Variants in EPB41 observed in about 807,000 individuals in gnomAD.
EPB41 encodes the protein protein 4.1.
Under a neutral mutation model 108.0 loss-of-function variants are expected in EPB41, and 65 were observed. The ratio of observed to expected loss-of-function variants is 0.60; its 90% CI spans 0.49 to 0.74. The LOEUF (loss-of-function observed/expected upper bound fraction) is 0.74. Ranked by LOEUF, EPB41 falls within the 30% of genes least tolerant of loss-of-function variation. The pLI is 0.00. For missense variants in EPB41, 875 were observed against 1,037.0 expected (o/e 0.84, Z 2.15); for synonymous variants, 336 against 358.9 (o/e 0.94, Z 0.72).
chr1:28,996,587 A>T (rs1249528762), intron 3 of EPB41, among the ~76,000 whole-genome samples: 1 of 152,186 alleles, frequency 6.6e-6, no homozygotes, highest in Non-Finnish European at 1.5e-5. Context: ...AAAAATGAAG[A>T]ATGTGATGTG....
rs539718247 is a variant in EPB41 at position 29,042,488 on chromosome 1, G to GT, written c.1636+3070dup. On this transcript the variant is annotated intron_variant, in intron 11 of 20. Transcript: ENST00000343067. ...TGTTTTTTTTGTTTTGTTTTGTTTT[G>GT]TTTTTTTTGAGACAGAGCCTCACTC... 3.1e-3 allele frequency among the ~76,000 whole-genome samples: 475 copies of GT among 150,932 alleles called. 3 individuals are homozygous for GT. The South Asian group carries it at 0.033, about 10-fold the overall frequency.
chr1:29,066,249 T>C (rs10915224), intron 16 of EPB41, among the ~76,000 whole-genome samples: 32,835 of 151,700 alleles, frequency 0.22, 4,025 homozygotes, highest in Non-Finnish European at 0.29. Flanking sequence ...TGAAACCCCA[T>C]CTCTACTAAA....
rs1195857611 is a variant in EPB41, at chr1:28,897,633, GGGAGA to G, written c.-8+10428_-8+10432del. On this transcript the variant is annotated intron_variant, in intron 1 of 16. Transcript: ENST00000347529. The stretch of plus-strand genomic sequence containing the variant: ...GGGAGGGGAGAGGAGGGGAGAGGAG[GGGAGA>G]GGAGGGGAGAGGAGGGGAGGGGACA... Among the ~76,000 whole-genome samples, 25 of 116,804 alleles carry G rather than the reference GGGAGA, an allele frequency of 2.1e-4. 1 individual carries two copies. The highest frequency in any genetic ancestry group is 7.7e-4 in the African/African-American group (23 of 29,756). The allele number at this position is 116,804 out of a possible 152,430, so 76.6% of individuals were successfully genotyped here.
Position 28,954,027 on chromosome 1 carries a change from T to G in EPB41, c.-7-33404T>G, listed in dbSNP as rs146993476. 2.7e-3 allele frequency among the ~76,000 whole-genome samples: 407 copies of G among 152,336 alleles called. 3 individuals are homozygous for G. Among genetic ancestry groups the G allele is most frequent in the African/African-American group, 9.4e-3 (392 of 41,578 alleles). On this transcript the variant is annotated intron_variant, in intron 1 of 20. Coordinates refer to ENST00000343067, the MANE Select transcript of EPB41 (RefSeq NM_001376013.1). ...TGCATTAGAATTACCTTTGGAGCTT[T>G]AAAAAACTCTTGAAGATGCCAGTCA...
intron 1 of EPB41, among the ~76,000 whole-genome samples, chr1:28,983,014 C>T (rs1405568154): frequency 6.6e-6 from 1 of 151,976 alleles, no homozygotes; most frequent in East Asian, 1.9e-4. Context: ...AGGACTATAT[C>T]TTTCAGGATT....
intron 17 of EPB41, 127 bp downstream of exon 17, chr1:29,098,062 G>C: frequency 7.3e-7 from 1 of 1,363,168 alleles, no homozygotes; most frequent in Non-Finnish European, 1.0e-6. Flanking sequence ...TTTTAGAAGA[G>C]ATTACTGGTC....
intron 7 of EPB41, among the ~76,000 whole-genome samples, chr1:29,021,386 G>A (rs1451858597): frequency 6.6e-6 from 1 of 152,128 alleles, no homozygotes; most frequent in Non-Finnish European, 1.5e-5. Flanking sequence ...AAGAAAGCCA[G>A]CTTACCTTAG....
chr1:29,066,648 A>G (rs12072831), intron 16 of EPB41, among the ~76,000 whole-genome samples: 120,659 of 151,998 alleles, frequency 0.79, 48,603 homozygotes, highest in Non-Finnish European at 0.87. Flanking sequence ...AAAAAGTAAA[A>G]TGATGTCTTA....
intron 7 of EPB41, among the ~76,000 whole-genome samples, chr1:29,027,486 C>A (rs1237538592): frequency 6.6e-6 from 1 of 151,884 alleles, no homozygotes; most frequent in Non-Finnish European, 1.5e-5. Flanking sequence ...CATGTGCCAC[C>A]ACGCCCGGCT....
chr1:28,917,268 ATGTG>A (rs1284406404), intron 1 of EPB41, among the ~76,000 whole-genome samples: 1 of 147,208 alleles, frequency 6.8e-6, no homozygotes, highest in Non-Finnish European at 1.5e-5. Context: ...GTGTGTGTGT[ATGTG>A]TGTGTGTGTA....
rs545738524 is a variant in EPB41, at chr1:29,026,188, G to A, written c.1125-4212G>A. 1.2e-4 allele frequency among the ~76,000 whole-genome samples: 18 copies of A among 152,276 alleles called. No individual in the cohort carries two copies. In the South Asian group the frequency reaches 3.5e-3, roughly 30 times the overall value. On this transcript the variant is annotated intron_variant, in intron 7 of 20. Transcript: ENST00000343067. ...CAGTAGGGGTTTGTGGCTGCAATGA[G>A]AGATTATATGATTATACAGAGGGAT... is the stretch of plus-strand genomic sequence containing the variant.
chr1:29,057,373 CAAAAAAAAA>C (rs72047998), intron 12 of EPB41, among the ~76,000 whole-genome samples: 3 of 65,294 alleles, frequency 4.6e-5, no homozygotes, highest in African/African-American at 5.3e-5. Flanking sequence ...GACTCTGTCT[CAAAAAAAAA>C]AAAAAAAAAA....
chr1:28,898,038 G>C (rs1255081964), intron 1 of EPB41, among the ~76,000 whole-genome samples: 7 of 152,120 alleles, frequency 4.6e-5, no homozygotes, highest in Admixed American at 4.6e-4. Context: ...CAACTTTCTA[G>C]GTACAGGGAA....
rs780163558 is a variant in EPB41, at chr1:29,015,697, C to A, written c.835C>A (p.Pro279Thr). ...KEIKKQVRGV[P>T]WNFTFNVKFY... The stretch of plus-strand genomic sequence containing the variant: ...TTTTGTGTTTATTTTTATAGGTGTC[C>A]CTTGGAATTTTACATTTAATGTAAA... Residue 279 changes from proline (P) to threonine (T), a missense_variant, in exon 6 of 21, where the codon CCT becomes ACT. Coordinates refer to ENST00000343067, the MANE Select transcript of EPB41 (RefSeq NM_001376013.1). 6 of 1,603,098 alleles carry A rather than the reference C, an allele frequency of 3.7e-6. No homozygotes were observed. The highest frequency in any genetic ancestry group is 1.7e-5 in the Admixed American group (1 of 59,938).
intron 10 of EPB41, among the ~76,000 whole-genome samples, chr1:29,036,776 A>G (rs949147811): frequency 4.0e-5 from 6 of 151,208 alleles, no homozygotes; most frequent in African/African-American, 1.5e-4. Context: ...CCTGGGTTCA[A>G]GCAATTCTCC....
chr1:28,969,378 C>T (rs958376037), intron 1 of EPB41, among the ~76,000 whole-genome samples: 7 of 152,068 alleles, frequency 4.6e-5, no homozygotes, highest in African/African-American at 1.7e-4. Context: ...AGCCACCACG[C>T]CCAGCCCATG....
intron 1 of EPB41, among the ~76,000 whole-genome samples, chr1:28,897,441 T>C (rs1230427313): frequency 6.6e-6 from 1 of 151,594 alleles, no homozygotes; most frequent in East Asian, 1.9e-4. Flanking sequence ...TCCAGCTACT[T>C]GGGAGGCTGA....
At chr1:28,911,344 G>C (rs2092247069), upstream of EPB41, among the ~76,000 whole-genome samples, 1 of 152,206 alleles carries the variant, frequency 6.6e-6, no homozygotes, top group Admixed American at 6.5e-5. Context: ...TCTAAAGCCT[G>C]AGTCAATGGA....
At chr1:29,057,952 T>C (rs953678714) in intron 12 of EPB41, among the ~76,000 whole-genome samples, 3 of 152,342 alleles carry the variant, frequency 2.0e-5, no homozygotes, top group Admixed American at 2.0e-4. Context: ...AAGCCAGCCC[T>C]GGGAGTAATT....
Sources: allele counts gnomAD v4.1 joint callset (sites outside exome capture counted in the v4.1 genomes callset), GRCh38; gene constraint gnomAD v4.1.1; transcripts MANE v1.5; gene names NCBI Gene and HGNC (gene_info 2026-07-23, HGNC 2026-07-21).